FBXO9: variants seen among roughly 807,000 people sequenced by gnomAD.
FBXO9 encodes the protein F-box protein 9, also known as F-box only protein 9.
A neutral mutation model predicts 63.7 loss-of-function variants in FBXO9; 43 were observed. That is an observed-to-expected ratio of 0.67 (90% confidence interval 0.53 to 0.87). The LOEUF (loss-of-function observed/expected upper bound fraction) is 0.87. FBXO9 is among the 40% of genes least tolerant of loss of function. FBXO9 has a pLI of 0.00. For missense variants in FBXO9, 442 were observed against 533.2 expected, an observed-to-expected ratio of 0.83 and a Z score of 1.68; for synonymous variants, 156 against 171.7, an observed-to-expected ratio of 0.91 and a Z score of 0.72.
intron 4 of FBXO9, among the ~76,000 whole-genome samples, chr6:53,077,065 A>C (rs957962984): frequency 6.6e-6 from 1 of 152,180 alleles, no homozygotes; most frequent in Non-Finnish European, 1.5e-5. Flanking sequence ...ATTCATTTTA[A>C]AATATGCTCT....
intron 1 of FBXO9, among the ~76,000 whole-genome samples, chr6:53,069,772 C>G (rs1163702977): frequency 1.3e-5 from 2 of 152,080 alleles, no homozygotes; most frequent in African/African-American, 4.8e-5. Flanking sequence ...ATTTCACAAA[C>G]TGTGAAATAT....
At chr6:53,088,845 C>T (rs1762964255) in intron 7 of FBXO9, among the ~76,000 whole-genome samples, 1 of 152,044 alleles carries the variant, frequency 6.6e-6, no homozygotes, top group Non-Finnish European at 1.5e-5. Flanking sequence ...GGTGATCCGC[C>T]CACCTCAGTC....
intron 7 of FBXO9, among the ~76,000 whole-genome samples, chr6:53,088,437 G>T (rs1319903802): frequency 1.3e-5 from 2 of 152,200 alleles, no homozygotes; most frequent in African/African-American, 4.8e-5. Flanking sequence ...GATGTAGTCA[G>T]CTGGAATCCC....
At chr6:53,089,077 T>G (rs1308357558) in intron 7 of FBXO9, among the ~76,000 whole-genome samples, 1 of 150,970 alleles carries the variant, frequency 6.6e-6, no homozygotes, top group South Asian at 2.1e-4. Context: ...TTGTTTGTTT[T>G]TGTTTTTTTT....
In FBXO9 at chr6:53,098,856, C is replaced by T. The variant is rs963206559; in HGVS notation, c.*1026C>T. 1.3e-5 allele frequency: 2 copies of T among 152,170 alleles called. No individual in the cohort carries two copies. The highest frequency in any genetic ancestry group is 2.9e-5 in the Non-Finnish European group (2 of 68,056). The allele number at this position is 152,170 out of a possible 1,614,324, so 9.4% of individuals were successfully genotyped here. A position where few individuals can be genotyped will look rare whatever the true frequency, so the allele number is the denominator to read the frequency against. ...AGCCACCTAGGAAAACTGTATGTTACCTTTTTACTCAAAGGAGTCCCCCCT... is the reference window on the plus strand; with the variant it reads ...AGCCACCTAGGAAAACTGTATGTTATCTTTTTACTCAAAGGAGTCCCCCCT... On this transcript the variant is annotated 3_prime_UTR_variant, in exon 13 of 13. Transcript: ENST00000323557.
intron 7 of FBXO9, among the ~76,000 whole-genome samples, chr6:53,087,639 A>G (rs373971970): frequency 1.3e-5 from 2 of 152,346 alleles, no homozygotes; most frequent in East Asian, 1.9e-4. Flanking sequence ...ATTCTGAGTG[A>G]AAAAGACAGC....
rs140204803 is a variant in FBXO9, at chr6:53,096,159, C to G, written c.1205+495C>G. Among the ~76,000 whole-genome samples, 388 of 152,180 alleles carry G rather than the reference C, an allele frequency of 2.5e-3. 1 individual carries two copies. Among genetic ancestry groups the G allele is most frequent in the African/African-American group, 6.7e-3 (278 of 41,516 alleles). On this transcript the variant is annotated intron_variant, in intron 12 of 12. Coordinates refer to ENST00000323557, the MANE Select transcript of FBXO9 (RefSeq NM_033480.3). ...CCAAAGCCAAATTTGTTAGGTGATT[C>G]CTATTTAAAACTCTTTGTTCTATGC...
At position 53,081,108 on chromosome 6, in the gene FBXO9, C is replaced by T. The variant is rs370251413; in HGVS notation, c.538+10C>T. ...CAGATTCACATATCAGGTGTGAATACTTGTTTTTCATAACTCAGTGAGAAA... is the reference window on the plus strand; with the variant it reads ...CAGATTCACATATCAGGTGTGAATATTTGTTTTTCATAACTCAGTGAGAAA... On this transcript the variant is annotated intron_variant, in intron 6 of 12. Coordinates refer to ENST00000323557, the MANE Select transcript of FBXO9 (RefSeq NM_033480.3). The T allele has an allele frequency of 1.4e-5, 23 of 1,599,346 alleles. No individual in the cohort carries two copies. In the Admixed American group the frequency reaches 2.4e-4, roughly 17 times the overall value.
chr6:53,082,992 A>C (rs192112509), intron 7 of FBXO9, among the ~76,000 whole-genome samples: 2 of 152,198 alleles, frequency 1.3e-5, no homozygotes, highest in African/African-American at 4.8e-5. Context: ...GCATTTTCTT[A>C]TGGCTCATTA....
At chr6:53,065,987 A>G in intron 1 of FBXO9, 195 bp downstream of exon 1, 2 of 1,182,760 alleles carry the variant, frequency 1.7e-6, no homozygotes, top group Middle Eastern at 3.2e-4. Context: ...GCTTCTCCCC[A>G]GGATTCCTTC....
At position 53,067,880 on chromosome 6, in the gene FBXO9, C is replaced by G. The variant is rs1768763152; in HGVS notation, c.3+2088C>G. 2.0e-5 allele frequency: 3 copies of G among 152,102 alleles called. 1 individual carries two copies. The highest frequency in any genetic ancestry group is 2.0e-4 in the Admixed American group (3 of 15,274). 9.4% of individuals were successfully genotyped at this position (152,102 alleles called of 1,614,324 possible). ...ATTTTTCTAGAAATTCATCTGAGTT[C>G]TTGATCTCATTTATTTCTTCACAGA... On this transcript the variant is annotated intron_variant, in intron 1 of 12. Transcript: ENST00000323557.
At chr6:53,069,573 C>G (rs184675305) in intron 1 of FBXO9, among the ~76,000 whole-genome samples, 2 of 152,320 alleles carry the variant, frequency 1.3e-5, no homozygotes, top group East Asian at 3.9e-4. Context: ...TTTCAAGATC[C>G]TGCCACAATT....
At chr6:53,073,703 T>A in intron 3 of FBXO9, 64 bp downstream of exon 3, 3 of 1,374,096 alleles carry the variant, frequency 2.2e-6, no homozygotes, top group South Asian at 1.4e-5. Flanking sequence ...AAATTTTCAC[T>A]GACACAGTAA....
At chr6:53,084,142 G>A (rs1175426922) in intron 7 of FBXO9, among the ~76,000 whole-genome samples, 1 of 152,194 alleles carries the variant, frequency 6.6e-6, no homozygotes, top group Non-Finnish European at 1.5e-5. Context: ...AAAGTTAATA[G>A]TAATATGACA....
At chr6:53,082,458 A>G in intron 6 of FBXO9, 46 bp from the exon 7 acceptor site, 1 of 1,267,102 alleles carries the variant, frequency 7.9e-7, no homozygotes. Flanking sequence ...TTGTGACAAT[A>G]GAATGACATA....
chr6:53,093,895 A>G lies in FBXO9; in HGVS notation c.970A>G (p.Ile324Val), dbSNP rs1581832261. The G allele has an allele frequency of 5.8e-6, 9 of 1,547,810 alleles. No individual in the cohort carries two copies. The highest frequency in any genetic ancestry group is 6.1e-6 in the Non-Finnish European group (7 of 1,145,786). Reference sequence around the variant, plus strand: ...TTTTTTTTTTTTAAGGACTGATGCAATTCTACTGGGTCACTATCGCTTGTC... The same window carrying G: ...TTTTTTTTTTTTAAGGACTGATGCAGTTCTACTGGGTCACTATCGCTTGTC... ...LRTRNTRTDAILLGHYRLSQD... is the reference protein window; with the variant it reads ...LRTRNTRTDAVLLGHYRLSQD... The change falls in exon 11 of 13, where the codon ATT becomes GTT. Residue 324 changes from isoleucine (I) to valine (V), a missense_variant. By Grantham distance (29) the Ile-to-Val change is conservative (BLOSUM62 3). Coordinates refer to ENST00000323557, the MANE Select transcript of FBXO9 (RefSeq NM_033480.3).
intron 7 of FBXO9, among the ~76,000 whole-genome samples, chr6:53,088,912 T>C (rs1762966496): frequency 6.6e-6 from 1 of 150,820 alleles, no homozygotes; most frequent in African/African-American, 2.4e-5. Flanking sequence ...AGTGGTTTTT[T>C]TCTTTCTTTC....
intron 1 of FBXO9, among the ~76,000 whole-genome samples, chr6:53,068,251 A>C (rs1216073646): frequency 1.3e-5 from 2 of 152,226 alleles, no homozygotes; most frequent in Non-Finnish European, 2.9e-5. Context: ...GTGTTGAGCA[A>C]GTTTCATTTC....
intron 3 of FBXO9, among the ~76,000 whole-genome samples, chr6:53,075,737 A>AT (rs1203980167): frequency 0.075 from 7,584 of 101,568 alleles, 799 homozygotes; most frequent in Non-Finnish European, 0.096. Context: ...ATATATAATT[A>AT]TTTTTTTTTT....
Sources: allele counts gnomAD v4.1 joint callset (sites outside exome capture counted in the v4.1 genomes callset), GRCh38; gene constraint gnomAD v4.1.1; transcripts MANE v1.5; gene names NCBI Gene and HGNC (gene_info 2026-07-23, HGNC 2026-07-21).